KLHL32: variants seen among roughly 807,000 people sequenced by gnomAD.
KLHL32 encodes the protein kelch-like protein 32.
KLHL32 carries 35 observed loss-of-function variants against 64.8 expected under a neutral mutation model. The observed-to-expected ratio is 0.54, with a 90% CI of 0.41 to 0.72. The LOEUF (loss-of-function observed/expected upper bound fraction) is 0.72. Among genes scored for constraint, KLHL32 ranks in the 30% least tolerant of loss-of-function variants. The pLI is 0.00. For synonymous variants in KLHL32, 259 were observed against 281.0 expected (o/e 0.92, Z 0.78); for missense variants, 589 against 768.5 (o/e 0.77, Z 2.76).
the KLHL32 span, among the ~76,000 whole-genome samples, chr6:96,915,643 A>G: frequency 1.0e-5 from 1 of 96,600 alleles, no homozygotes; most frequent in Non-Finnish European, 2.2e-5. Flanking sequence ...ATAAGTTTCT[A>G]TCCATGGAGT....
chr6:96,925,728 A>G (rs1769063225), intron 1 of KLHL32, among the ~76,000 whole-genome samples: 1 of 152,254 alleles, frequency 6.6e-6, no homozygotes, highest in Non-Finnish European at 1.5e-5. Flanking sequence ...TTCGTAACGT[A>G]AGAAGGTAGC....
intron 1 of KLHL32, among the ~76,000 whole-genome samples, chr6:96,926,956 C>CAAA (rs1356095845): frequency 2.0e-5 from 3 of 152,138 alleles, no homozygotes; most frequent in African/African-American, 7.2e-5. Flanking sequence ...AGTTAGTATT[C>CAAA]TCTAACAAAA....
intron 1 of KLHL32, among the ~76,000 whole-genome samples, chr6:96,931,619 G>A (rs574637696): frequency 6.6e-6 from 1 of 152,160 alleles, no homozygotes; most frequent in Non-Finnish European, 1.5e-5. Flanking sequence ...TCATAATTCA[G>A]ATGCATTTTT....
intron 1 of KLHL32, among the ~76,000 whole-genome samples, chr6:96,952,897 GC>G (rs1466489562): frequency 1.3e-5 from 2 of 152,094 alleles, no homozygotes; most frequent in African/African-American, 2.4e-5. Flanking sequence ...CAGGCCTATG[GC>G]CCCCACCCAG....
the KLHL32 span, among the ~76,000 whole-genome samples, chr6:96,905,404 T>C: frequency 6.6e-6 from 1 of 152,226 alleles, no homozygotes; most frequent in Non-Finnish European, 1.5e-5. Context: ...TCTCCGTCTG[T>C]CTGGTCCTTT....
intron 3 of KLHL32, among the ~76,000 whole-genome samples, chr6:97,008,818 T>G (rs1236802902): frequency 6.6e-6 from 1 of 152,022 alleles, no homozygotes; most frequent in African/African-American, 2.4e-5. Flanking sequence ...TTGCCTTCTC[T>G]CCAAAGATCT....
At chr6:97,006,106 T>C (rs1779630427) in intron 3 of KLHL32, among the ~76,000 whole-genome samples, 1 of 152,028 alleles carries the variant, frequency 6.6e-6, no homozygotes, top group Non-Finnish European at 1.5e-5. Context: ...ATCAGTGGAG[T>C]GTTTAAGCCT....
At chr6:96,946,615 T>C (rs1323774784) in intron 1 of KLHL32, among the ~76,000 whole-genome samples, 1 of 152,214 alleles carries the variant, frequency 6.6e-6, no homozygotes, top group Non-Finnish European at 1.5e-5. Flanking sequence ...GGATAATTAT[T>C]TTATAATATT....
At chr6:96,935,589 T>C (rs1316358048) in intron 1 of KLHL32, among the ~76,000 whole-genome samples, 1 of 152,188 alleles carries the variant, frequency 6.6e-6, no homozygotes, top group Non-Finnish European at 1.5e-5. Context: ...TGGTTAGTAT[T>C]GGGCCATCCA....
chr6:96,985,844 T>G (rs1476299699), intron 3 of KLHL32, among the ~76,000 whole-genome samples: 1 of 152,196 alleles, frequency 6.6e-6, no homozygotes, highest in Non-Finnish European at 1.5e-5. Context: ...CAGAGTAGTT[T>G]GATTGTCTGA....
intron 4 of KLHL32, among the ~76,000 whole-genome samples, chr6:97,047,513 G>A (rs1319140370): frequency 6.6e-6 from 1 of 152,182 alleles, no homozygotes; most frequent in East Asian, 1.9e-4. Flanking sequence ...AGAGAGAAAA[G>A]GACAAAGTGA....
At chr6:97,066,925 A>G (rs184291864) in intron 5 of KLHL32, among the ~76,000 whole-genome samples, 4 of 152,356 alleles carry the variant, frequency 2.6e-5, no homozygotes, top group East Asian at 3.9e-4. Context: ...AAATGTACCC[A>G]GGAATTGTGC....
At chr6:97,057,533 C>T (rs1033060057) in intron 4 of KLHL32, among the ~76,000 whole-genome samples, 4 of 151,598 alleles carry the variant, frequency 2.6e-5, no homozygotes, top group Admixed American at 6.6e-5. Context: ...GTGAGGTATC[C>T]GCTCAGATCT....
At chr6:96,981,701 CCT>C (rs1280751402) in intron 3 of KLHL32, among the ~76,000 whole-genome samples, 2 of 151,998 alleles carry the variant, frequency 1.3e-5, no homozygotes, top group Non-Finnish European at 2.9e-5. Flanking sequence ...ACTGTAAACT[CCT>C]CTCTTAACAC....
Position 97,113,941 on chromosome 6 carries a change from C to T in KLHL32, c.786C>T (p.Asn262=), listed in dbSNP as rs1190545792. Residue 262 remains asparagine, a synonymous_variant, in exon 7 of 11, where the codon AAC becomes AAT. Coordinates refer to ENST00000369261, the MANE Select transcript of KLHL32 (RefSeq NM_052904.4). The part of the protein sequence containing the change: ...QASETATALV[N]EALEYHQSIY... ...GTGAGACTGCAACAGCCCTTGTCAA[C>T]GAGGCCCTGGAATACCACCAGAGCA... is the stretch of plus-strand genomic sequence containing the variant. 15 of 1,614,064 alleles carry T rather than the reference C, an allele frequency of 9.3e-6. No homozygotes were observed. Among genetic ancestry groups the T allele is most frequent in the East Asian group, 2.2e-5 (1 of 44,880 alleles).
chr6:96,973,741 T>TTTTTTTTTTTTTTTTTTTTTG, intron 2 of KLHL32, among the ~76,000 whole-genome samples: 1 of 149,548 alleles, frequency 6.7e-6, no homozygotes, highest in South Asian at 2.1e-4. Flanking sequence ...TTTTTTTTTT[T>TTTTTTTTTTTTTTTTTTTTTG]AGACAGAGTC....
intron 1 of KLHL32, among the ~76,000 whole-genome samples, chr6:96,925,936 AG>A (rs1359826070): frequency 4.6e-5 from 7 of 152,046 alleles, no homozygotes; most frequent in African/African-American, 1.7e-4. Context: ...CTTATATGAA[AG>A]TGCAGTGGTT....
intron 4 of KLHL32, among the ~76,000 whole-genome samples, chr6:97,052,178 A>C (rs1444788283): frequency 2.0e-5 from 3 of 152,180 alleles, no homozygotes; most frequent in African/African-American, 7.2e-5. Flanking sequence ...CTGGGGTACA[A>C]CCCTTCCAAA....
intron 3 of KLHL32, among the ~76,000 whole-genome samples, chr6:97,019,964 T>G (rs945333346): frequency 4.0e-5 from 6 of 149,338 alleles, no homozygotes; most frequent in Admixed American, 3.4e-4. Context: ...TTTTTTTTTT[T>G]TGAGACAGAG....
Sources: allele counts gnomAD v4.1 joint callset (sites outside exome capture counted in the v4.1 genomes callset), GRCh38; gene constraint gnomAD v4.1.1; transcripts MANE v1.5; gene names NCBI Gene and HGNC (gene_info 2026-07-23, HGNC 2026-07-21).